ABCC4: variants seen among roughly 807,000 people sequenced by gnomAD.
ABCC4 encodes the protein ATP binding cassette subfamily C member 4 (PEL blood group).
A neutral mutation model predicts 168.5 loss-of-function variants in ABCC4; 102 were observed. That is an observed-to-expected ratio of 0.61 (90% CI 0.52 to 0.71). The LOEUF (loss-of-function observed/expected upper bound fraction) is 0.71. Ranked by LOEUF, ABCC4 falls within the 30% of genes least tolerant of loss-of-function variation. The probability of loss-of-function intolerance (pLI) is 0.00; values close to 1 mark genes in which losing one functional copy is unlikely to be tolerated. For missense variants in ABCC4, 1,402 were observed against 1,605.8 expected (o/e 0.87, Z 2.17); for synonymous variants, 617 against 590.7 (o/e 1.04, Z -0.65).
chr13:95,085,612 C>A (rs949098481), intron 20 of ABCC4, among the ~76,000 whole-genome samples: 1 of 152,174 alleles, frequency 6.6e-6, no homozygotes, highest in African/African-American at 2.4e-5. Flanking sequence ...TTGCTTGCTG[C>A]GGGAACACAG....
chr13:95,240,720 C>T (rs796658417), intron 3 of ABCC4, among the ~76,000 whole-genome samples: 3 of 151,966 alleles, frequency 2.0e-5, no homozygotes, highest in African/African-American at 7.2e-5. Flanking sequence ...AGAAAGATCC[C>T]AGCATTTTGG....
At chr13:95,029,205 T>G (rs1409473823) in intron 30 of ABCC4, among the ~76,000 whole-genome samples, 23 of 53,602 alleles carry the variant, frequency 4.3e-4, no homozygotes, top group African/African-American at 1.3e-3. Flanking sequence ...TATATATATA[T>G]ATATATATAG....
rs1468242223 is a variant in ABCC4 at position 95,021,672 on chromosome 13, T to C, written c.3881A>G (p.Lys1294Arg). Residue 1294 changes from lysine to arginine, a missense_variant, in exon 31 of 31, where the codon AAA becomes AGA. This residue lies in a region of ABCC4 where 1,007 missense variants were observed against 1,127.3 expected (regional missense o/e 0.89). Transcript: ENST00000645237. The stretch of plus-strand genomic sequence containing the variant: ...GTGACCAATATGTGGATAATTTCTT[T>C]TGAAGTATACCTAGAAAAAAAAAAG... ...LTETAKQVYF[K>R]RNYPHIGHTD... 1.9e-6 allele frequency: 3 copies of C among 1,605,890 alleles called. No homozygotes were observed. The highest frequency in any genetic ancestry group is 8.5e-7 in the Non-Finnish European group (1 of 1,174,390).
chr13:95,137,563 A>C (rs1240312695), intron 19 of ABCC4, among the ~76,000 whole-genome samples: 1 of 152,182 alleles, frequency 6.6e-6, no homozygotes, highest in Non-Finnish European at 1.5e-5. Flanking sequence ...GAAATAATGA[A>C]AACAAAAATA....
At chr13:95,297,277 A>AAAAG (rs1555342999) in intron 1 of ABCC4, among the ~76,000 whole-genome samples, 3 of 151,780 alleles carry the variant, frequency 2.0e-5, no homozygotes, top group African/African-American at 4.8e-5. Flanking sequence ...ATAAAAAAAA[A>AAAAG]AAAGAAAGAA....
chr13:95,301,189 G>C, intron 1 of ABCC4, 52 bp downstream of exon 1: 1 of 1,522,560 alleles, frequency 6.6e-7, no homozygotes, highest in Non-Finnish European at 8.9e-7. Flanking sequence ...GGGAGAGTGC[G>C]TCCGCGGCGC....
intron 4 of ABCC4, 51 bp from the exon 5 acceptor site, chr13:95,210,832 T>C (rs558239548): frequency 2.1e-6 from 3 of 1,428,734 alleles, no homozygotes; most frequent in African/African-American, 1.4e-5. Context: ...TGATACTAAG[T>C]CAGGCTTAGG....
intron 11 of ABCC4, among the ~76,000 whole-genome samples, chr13:95,182,591 A>G (rs1487258527): frequency 6.6e-6 from 1 of 152,244 alleles, no homozygotes; most frequent in Non-Finnish European, 1.5e-5. Context: ...CTTATAATTA[A>G]GAAGGCCTGT....
intron 19 of ABCC4, among the ~76,000 whole-genome samples, chr13:95,119,566 T>A (rs2035493732): frequency 1.3e-5 from 2 of 152,272 alleles, no homozygotes; most frequent in Non-Finnish European, 2.9e-5. Context: ...AAAATACAAA[T>A]TCATAAATGA....
intron 4 of ABCC4, 77 bp from the exon 5 acceptor site, chr13:95,210,858 G>A: frequency 9.1e-7 from 1 of 1,099,384 alleles, no homozygotes. Context: ...GCAGACCTGA[G>A]GAAGTCTCGT....
At chr13:95,095,286 TTATCTATCTATCTATCTATC>T (rs55957658) in intron 20 of ABCC4, among the ~76,000 whole-genome samples, 40 of 146,418 alleles carry the variant, frequency 2.7e-4, no homozygotes, top group African/African-American at 8.1e-4. Flanking sequence ...AACTGTGAGA[TTATCTATCTATCTATCTATC>T]TATCTATCTA....
chr13:95,045,053 A>G (rs953420502), intron 27 of ABCC4, among the ~76,000 whole-genome samples: 3 of 152,236 alleles, frequency 2.0e-5, no homozygotes, highest in African/African-American at 4.8e-5. Flanking sequence ...GAAAAAAATC[A>G]TATCAGTGTC....
At chr13:95,292,093 C>G (rs2138954521) in intron 1 of ABCC4, among the ~76,000 whole-genome samples, 1 of 152,334 alleles carries the variant, frequency 6.6e-6, no homozygotes, top group African/African-American at 2.4e-5. Context: ...CACCATGGCG[C>G]ATGCCTGTAA....
chr13:95,140,364 A>G (rs556567005), intron 19 of ABCC4, among the ~76,000 whole-genome samples: 2 of 152,364 alleles, frequency 1.3e-5, no homozygotes, highest in Admixed American at 1.3e-4. Context: ...ATTAAAACCT[A>G]AAGTTTTCTC....
intron 3 of ABCC4, among the ~76,000 whole-genome samples, chr13:95,239,544 C>T (rs2039873959): frequency 6.6e-6 from 1 of 152,146 alleles, no homozygotes; most frequent in African/African-American, 2.4e-5. Context: ...AGTATACATT[C>T]AAAAGACTCA....
chr13:95,260,323 C>T (rs1386251900), intron 1 of ABCC4, among the ~76,000 whole-genome samples: 1 of 152,090 alleles, frequency 6.6e-6, no homozygotes, highest in Non-Finnish European at 1.5e-5. Context: ...CCCAATTATG[C>T]CTGGGGAATT....
chr13:95,125,531 AAATGAATGAATG>A (rs3837534), intron 19 of ABCC4, among the ~76,000 whole-genome samples: 1 of 151,378 alleles, frequency 6.6e-6, no homozygotes, highest in South Asian at 2.1e-4. Context: ...ACAAGTAAAT[AAATGAATGAATG>A]AATGAATGAA....
intron 1 of ABCC4, among the ~76,000 whole-genome samples, chr13:95,264,625 A>G (rs1346502647): frequency 6.6e-6 from 1 of 152,210 alleles, no homozygotes. Flanking sequence ...TATCAAGGAC[A>G]TGAGAGACAA....
Position 95,020,209 on chromosome 13 carries a change from T to C in ABCC4, c.*1366A>G, listed in dbSNP as rs543122825. The C allele has an allele frequency of 1.3e-5, 2 of 152,334 alleles. No individual in the cohort carries two copies. The highest frequency in any genetic ancestry group is 1.3e-4 in the Admixed American group (2 of 15,294). 9.4% of individuals were successfully genotyped at this position (152,334 alleles called of 1,614,324 possible). A position where few individuals can be genotyped will look rare whatever the true frequency, so the allele number is the denominator to read the frequency against. On this transcript the variant is annotated 3_prime_UTR_variant, in exon 31 of 31. Transcript: ENST00000645237. ...CTTCACTCAATAAAACATCTGTTGC[T>C]CTCTGCTGATGAGCAAAAAACTTGC...
Sources: gnomAD v4.1 joint callset for allele counts (sites outside exome capture counted in the v4.1 genomes callset) on GRCh38, gnomAD v4.1.1 for gene constraint, gnomAD v4.1.1 regional missense constraint, MANE v1.5 for transcripts, NCBI Gene and HGNC (gene_info 2026-07-23, HGNC 2026-07-21) for gene names.